ARHGAP15: variants seen among roughly 807,000 people sequenced by gnomAD.
The protein encoded by ARHGAP15 is Rho GTPase activating protein 15.
In ARHGAP15, 51 loss-of-function variants were observed where a neutral mutation model predicts 63.7. The ratio of observed to expected loss-of-function variants is 0.80; its 90% confidence interval spans 0.64 to 1.01. ARHGAP15 has a LOEUF of 1.01. Among genes scored for constraint, ARHGAP15 ranks in the 50% least tolerant of loss-of-function variants. The probability of loss-of-function intolerance (pLI) is 0.00; values close to 1 mark genes in which losing one functional copy is unlikely to be tolerated. For synonymous variants in ARHGAP15, 191 were observed against 193.8 expected (o/e 0.99, Z 0.12); for missense variants, 560 against 564.6 (o/e 0.99, Z 0.08).
chr2:143,495,711 T>C (rs1384920491), intron 9 of ARHGAP15, among the ~76,000 whole-genome samples: 1 of 77,052 alleles, frequency 1.3e-5, no homozygotes, highest in African/African-American at 3.7e-5. Flanking sequence ...CATCATTGAG[T>C]TAAGAGAAAA....
In ARHGAP15 at chr2:143,435,995, A is replaced by AT. The variant is rs58478346; in HGVS notation, c.573+305dup. On this transcript the variant is annotated intron_variant, in intron 7 of 13. Transcript: ENST00000295095. ...GCACACAAGCACTTAATAACTACTG[A>AT]TTTTTTTTTCATTTTCAGTTTATGC... is the stretch of plus-strand genomic sequence containing the variant. Among the ~76,000 whole-genome samples, 333 of 151,318 alleles carry AT rather than the reference A, an allele frequency of 2.2e-3. 1 individual carries two copies. The highest frequency in any genetic ancestry group is 7.3e-3 in the African/African-American group (301 of 41,280).
chr2:143,434,668 A>G (rs1356649353), intron 6 of ARHGAP15, among the ~76,000 whole-genome samples: 1 of 152,146 alleles, frequency 6.6e-6, no homozygotes, highest in Non-Finnish European at 1.5e-5. Flanking sequence ...GTGTGACAGT[A>G]GTTGGGAAAT....
intron 10 of ARHGAP15, among the ~76,000 whole-genome samples, chr2:143,537,270 G>A (rs1245643686): frequency 6.6e-6 from 1 of 152,058 alleles, no homozygotes; most frequent in African/African-American, 2.4e-5. Flanking sequence ...TGTAGATTCT[G>A]GATATTAGCC....
At chr2:143,739,880 C>T (rs1559154800) in intron 13 of ARHGAP15, among the ~76,000 whole-genome samples, 1 of 152,166 alleles carries the variant, frequency 6.6e-6, no homozygotes, top group Non-Finnish European at 1.5e-5. Flanking sequence ...CTTGATCATT[C>T]TCCCCACACC....
At chr2:143,467,242 C>CTTTTTTTTTTTTTTTTTTTTTTTTTT (rs202115707) in intron 8 of ARHGAP15, among the ~76,000 whole-genome samples, 3 of 57,896 alleles carry the variant, frequency 5.2e-5, no homozygotes, top group African/African-American at 1.5e-4. Context: ...ACTCCATGGC[C>CTTTTTTTTTTTTTTTTTTTTTTTTTT]TTTTTTTTTT....
chr2:143,320,457 T>C (rs753959105), intron 6 of ARHGAP15, among the ~76,000 whole-genome samples: 1 of 116,466 alleles, frequency 8.6e-6, no homozygotes, highest in Non-Finnish European at 1.6e-5. Context: ...TTGCACAGCA[T>C]TCACCCAGGG....
intron 10 of ARHGAP15, among the ~76,000 whole-genome samples, chr2:143,545,642 G>A (rs1237903100): frequency 1.3e-5 from 2 of 151,774 alleles, no homozygotes; most frequent in African/African-American, 4.8e-5. Context: ...AAAGTGAACA[G>A]CAATGAACTA....
At chr2:143,744,966 C>T (rs892202267) in intron 13 of ARHGAP15, among the ~76,000 whole-genome samples, 2 of 152,110 alleles carry the variant, frequency 1.3e-5, no homozygotes, top group African/African-American at 2.4e-5. Context: ...AAGACATATC[C>T]CATTTACATA....
intron 2 of ARHGAP15, among the ~76,000 whole-genome samples, chr2:143,165,218 G>T (rs564384509): frequency 5.9e-5 from 9 of 152,002 alleles, no homozygotes; most frequent in Non-Finnish European, 1.2e-4. Context: ...AAACATAAAT[G>T]ACCAAAGTAC....
chr2:143,307,596 G>C (rs957268652), intron 6 of ARHGAP15, among the ~76,000 whole-genome samples: 1 of 152,126 alleles, frequency 6.6e-6, no homozygotes, highest in African/African-American at 2.4e-5. Flanking sequence ...ATGAGGGAAA[G>C]AGGTTGATCT....
chr2:143,521,813 C>T (rs1248474353), intron 10 of ARHGAP15, among the ~76,000 whole-genome samples: 1 of 151,370 alleles, frequency 6.6e-6, no homozygotes, highest in Non-Finnish European at 1.5e-5. Context: ...TTATTTTTTA[C>T]TCCTTTAAAA....
intron 12 of ARHGAP15, among the ~76,000 whole-genome samples, chr2:143,702,121 T>G (rs915499314): frequency 6.6e-6 from 1 of 152,182 alleles, no homozygotes. Flanking sequence ...CTTTTTTATA[T>G]CTTATTTTCC....
At chr2:143,664,684 G>GA (rs1372946786) in intron 12 of ARHGAP15, among the ~76,000 whole-genome samples, 1 of 151,506 alleles carries the variant, frequency 6.6e-6, no homozygotes, top group Non-Finnish European at 1.5e-5. Flanking sequence ...GACTAATAAA[G>GA]AAAAAAAGAG....
chr2:143,329,092 A>G lies in ARHGAP15; in HGVS notation c.474+78492A>G, dbSNP rs183214896. On this transcript the variant is annotated intron_variant, in intron 6 of 13. Coordinates refer to ENST00000295095, the MANE Select transcript of ARHGAP15 (RefSeq NM_018460.4). ...ACCTTGCCCTCACAAGTGTTAAAGC[A>G]GTAACTTTACTATGCTCAAGTAAGG... is the stretch of plus-strand genomic sequence containing the variant. Among the ~76,000 whole-genome samples the G allele has an allele frequency of 1.1e-4, 17 of 152,378 alleles. No individual in the cohort carries two copies. In the East Asian group the frequency reaches 3.1e-3, roughly 28 times the overall value.
chr2:143,298,947 CG>C (rs2105144288), intron 6 of ARHGAP15, among the ~76,000 whole-genome samples: 1 of 151,942 alleles, frequency 6.6e-6, no homozygotes, highest in African/African-American at 2.4e-5. Context: ...CTCAGGGTCA[CG>C]TAATGCATGT....
At chr2:143,347,142 G>A (rs1041579499) in intron 6 of ARHGAP15, among the ~76,000 whole-genome samples, 3 of 152,074 alleles carry the variant, frequency 2.0e-5, no homozygotes, top group African/African-American at 7.2e-5. Flanking sequence ...AATTATTATT[G>A]AGAAGCAATC....
At chr2:143,228,485 T>C in intron 4 of ARHGAP15, 96 bp from the exon 5 acceptor site, 1 of 630,922 alleles carries the variant, frequency 1.6e-6, no homozygotes, top group Admixed American at 3.3e-5. Context: ...AAAATAAAGA[T>C]GGTCTCTACT....
intron 6 of ARHGAP15, among the ~76,000 whole-genome samples, chr2:143,302,169 G>GC (rs1682935213): frequency 2.6e-5 from 4 of 151,810 alleles, no homozygotes; most frequent in Non-Finnish European, 5.9e-5. Context: ...CGTAAGATAT[G>GC]AATATCAGAT....
At chr2:143,559,101 A>G (rs1695923995) in intron 11 of ARHGAP15, among the ~76,000 whole-genome samples, 1 of 152,146 alleles carries the variant, frequency 6.6e-6, no homozygotes, top group Admixed American at 6.5e-5. Flanking sequence ...CATTCTTACA[A>G]TATAGTTTAT....
Sources: gnomAD v4.1 joint callset for allele counts (sites outside exome capture counted in the v4.1 genomes callset) on GRCh38, gnomAD v4.1.1 for gene constraint, MANE v1.5 for transcripts, NCBI Gene and HGNC (gene_info 2026-07-23, HGNC 2026-07-21) for gene names.